The following FGF12 variants were observed in gnomAD, a reference collection of about 807,000 sequenced individuals.
FGF12 encodes fibroblast growth factor 12B.
Under a neutral mutation model 23.6 loss-of-function variants are expected in FGF12, and 14 were observed. That is an observed-to-expected ratio of 0.59 (90% CI 0.39 to 0.93). The LOEUF (loss-of-function observed/expected upper bound fraction) is 0.93, where lower values mean the gene tolerates loss of function less well. Among genes scored for constraint, FGF12 ranks in the 40% least tolerant of loss-of-function variants. The pLI, the probability that FGF12 is intolerant of heterozygous loss-of-function variation, is 0.00. For synonymous variants in FGF12, 62 were observed against 77.3 expected, an observed-to-expected ratio of 0.80 and a Z score of 1.04; for missense variants, 175 against 217.8, an observed-to-expected ratio of 0.80 and a Z score of 1.24.
At chr3:192,288,108 A>T (rs999182253) in intron 4 of FGF12, among the ~76,000 whole-genome samples, 4 of 152,106 alleles carry the variant, frequency 2.6e-5, no homozygotes, top group African/African-American at 9.7e-5. Context: ...TGGGGTGTTC[A>T]CTATAGGCAT....
At chr3:192,332,672 T>A (rs1484071784) in intron 4 of FGF12, among the ~76,000 whole-genome samples, 1 of 152,068 alleles carries the variant, frequency 6.6e-6, no homozygotes, top group Non-Finnish European at 1.5e-5. Flanking sequence ...TAAAAATAAA[T>A]AGAAGCCAGG....
At chr3:192,171,290 A>G (rs1367034213) in intron 4 of FGF12, among the ~76,000 whole-genome samples, 3 of 152,204 alleles carry the variant, frequency 2.0e-5, no homozygotes, top group South Asian at 2.1e-4. Context: ...TCCTATTACT[A>G]TTGACCTCAG....
chr3:192,161,179 CT>C (rs533446411), intron 5 of FGF12, among the ~76,000 whole-genome samples: 19 of 152,108 alleles, frequency 1.2e-4, no homozygotes, highest in African/African-American at 4.3e-4. Context: ...GGCATGACCC[CT>C]AACCACCACC....
intron 2 of FGF12, among the ~76,000 whole-genome samples, chr3:192,494,871 T>C (rs1723903041): frequency 6.6e-6 from 1 of 151,876 alleles, no homozygotes; most frequent in South Asian, 2.1e-4. Flanking sequence ...AAATACATTT[T>C]TCTTTTTGAG....
intron 2 of FGF12, among the ~76,000 whole-genome samples, chr3:192,412,526 T>C (rs1410883727): frequency 2.0e-5 from 3 of 152,232 alleles, no homozygotes; most frequent in Non-Finnish European, 4.4e-5. Flanking sequence ...TTGGATTCAA[T>C]CGGACAACAA....
intron 2 of FGF12, among the ~76,000 whole-genome samples, chr3:192,416,834 C>T (rs944959433): frequency 3.9e-5 from 6 of 152,018 alleles, no homozygotes; most frequent in Admixed American, 6.6e-5. Context: ...TGTGTGTCTG[C>T]GAAGTCTACA....
At chr3:192,665,536 C>T (rs1021864179) in intron 2 of FGF12, among the ~76,000 whole-genome samples, 6 of 129,202 alleles carry the variant, frequency 4.6e-5, no homozygotes, top group South Asian at 5.0e-4. Context: ...CGCATGTTCT[C>T]ATAAGTAGGA....
intron 2 of FGF12, among the ~76,000 whole-genome samples, chr3:192,373,676 T>G (rs1719345256): frequency 6.6e-6 from 1 of 152,168 alleles, no homozygotes; most frequent in African/African-American, 2.4e-5. Flanking sequence ...TAACTTAGAT[T>G]CATTTTGGGA....
At chr3:192,434,981 T>G (rs907168727) in intron 2 of FGF12, among the ~76,000 whole-genome samples, 4 of 152,192 alleles carry the variant, frequency 2.6e-5, no homozygotes, top group East Asian at 1.9e-4. Context: ...TAAAGAGCAC[T>G]GAAGAAAAAG....
intron 2 of FGF12, among the ~76,000 whole-genome samples, chr3:192,672,458 C>T (rs1717160009): frequency 6.6e-6 from 1 of 150,806 alleles, no homozygotes; most frequent in Non-Finnish European, 1.5e-5. Context: ...TCTCTACTTA[C>T]CTCAAATTCC....
intron 2 of FGF12, among the ~76,000 whole-genome samples, chr3:192,557,538 A>G (rs958600337): frequency 6.6e-5 from 10 of 151,874 alleles, no homozygotes; most frequent in African/African-American, 2.4e-4. Context: ...AAAATTGAAG[A>G]GAGGGGAACA....
At chr3:192,692,377 G>A (rs752495953) in intron 2 of FGF12, among the ~76,000 whole-genome samples, 1 of 152,144 alleles carries the variant, frequency 6.6e-6, no homozygotes, top group Non-Finnish European at 1.5e-5. Flanking sequence ...ATTAACCAAT[G>A]TGATACACCA....
chr3:192,426,002 A>G (rs1057191438), intron 2 of FGF12, among the ~76,000 whole-genome samples: 1 of 152,234 alleles, frequency 6.6e-6, no homozygotes, highest in Admixed American at 6.5e-5. Context: ...TAGGTGTTAC[A>G]CTTACTCTCA....
intron 4 of FGF12, among the ~76,000 whole-genome samples, chr3:192,178,031 T>C (rs1461776983): frequency 1.3e-5 from 2 of 152,164 alleles, no homozygotes; most frequent in Non-Finnish European, 2.9e-5. Context: ...ACAAATCGAC[T>C]CCAACAAAAT....
chr3:192,341,913 T>TG (rs1221578210), intron 3 of FGF12, among the ~76,000 whole-genome samples: 4 of 88,392 alleles, frequency 4.5e-5, no homozygotes, highest in Non-Finnish European at 1.1e-4. Context: ...CATTTGGAGT[T>TG]AACATACAGC....
chr3:192,384,991 G>A (rs897873868), intron 2 of FGF12, among the ~76,000 whole-genome samples: 1 of 152,178 alleles, frequency 6.6e-6, no homozygotes, highest in East Asian at 1.9e-4. Context: ...GCAACAGATA[G>A]GTAAATAAGT....
intron 4 of FGF12, among the ~76,000 whole-genome samples, chr3:192,293,076 CT>C (rs1714844699): frequency 6.6e-6 from 1 of 152,066 alleles, no homozygotes; most frequent in Non-Finnish European, 1.5e-5. Context: ...CAACAACTGA[CT>C]TCTTGAGAGG....
intron 2 of FGF12, among the ~76,000 whole-genome samples, chr3:192,487,563 C>A (rs1279574468): frequency 6.6e-6 from 1 of 152,036 alleles, no homozygotes; most frequent in African/African-American, 2.4e-5. Context: ...TTTACATCTA[C>A]TGTTCATGTC....
intron 2 of FGF12, among the ~76,000 whole-genome samples, chr3:192,516,070 C>T (rs151326938): frequency 6.6e-6 from 1 of 152,270 alleles, no homozygotes; most frequent in African/African-American, 2.4e-5. Context: ...CTTAACCGCT[C>T]TGTCCCTCAA....
Sources: gnomAD v4.1 joint callset for allele counts (sites outside exome capture counted in the v4.1 genomes callset) on GRCh38, gnomAD v4.1.1 for gene constraint, MANE v1.5 for transcripts, NCBI Gene and HGNC (gene_info 2026-07-23, HGNC 2026-07-21) for gene names.